The following KLHDC4 variants were observed in gnomAD, a reference collection of about 807,000 sequenced individuals.
KLHDC4 encodes kelch domain containing 4, also known as kelch domain-containing protein 4.
A neutral mutation model predicts 62.4 loss-of-function variants in KLHDC4; 90 were observed. The ratio of observed to expected loss-of-function variants is 1.44; its 90% CI spans 1.22 to 1.72. The LOEUF (loss-of-function observed/expected upper bound fraction) is 1.72. KLHDC4 is among the 40% of genes most tolerant of loss of function. KLHDC4 has a pLI of 0.00. For missense variants in KLHDC4, 1,025 were observed against 699.7 expected (o/e 1.47, Z -5.25); for synonymous variants, 386 against 284.4 (o/e 1.36, Z -3.59).
At chr16:87,763,751 G>T (rs116761449) in intron 1 of KLHDC4, 3 of 152,180 alleles carry the variant, frequency 2.0e-5, no homozygotes, top group Admixed American at 6.5e-5. Flanking sequence ...TACTTAGAGC[G>T]GTCTTTGACC....
rs1283994081 is a variant in KLHDC4, at chr16:87,700,590, G to A, written c.*1049C>T. On this transcript the variant is annotated 3_prime_UTR_variant, in exon 1 of 1. Coordinates refer to the KLHDC4 transcript ENST00000446344. ...GGGTAGAAGGAAGAGGGTGGAGGGA[G>A]GAGAGAAGAGGTGGAGGGAGGAAAC... is the stretch of plus-strand genomic sequence containing the variant. 7 of 196,056 alleles carry A rather than the reference G, an allele frequency of 3.6e-5. No homozygotes were observed. The East Asian group carries it at 1.1e-3, about 32-fold the overall frequency. 12.1% of individuals were successfully genotyped at this position (196,056 alleles called of 1,614,324 possible). A position where few individuals can be genotyped will look rare whatever the true frequency, so the allele number is the denominator to read the frequency against.
chr16:87,762,136 T>C (rs2045983197), intron 1 of KLHDC4, 96 bp from the exon 2 acceptor site: 1 of 1,560,238 alleles, frequency 6.4e-7, no homozygotes, highest in South Asian at 1.2e-5. Flanking sequence ...GTGATTCGAC[T>C]GGGCTCAGTC....
At chr16:87,714,427 G>A (rs1039479652) in intron 8 of KLHDC4, 71 bp downstream of exon 8, 1 of 1,484,244 alleles carries the variant, frequency 6.7e-7, no homozygotes, top group East Asian at 2.8e-5. Flanking sequence ...ACATCCATGG[G>A]AGGGTGTGGG....
intron 2 of KLHDC4, among the ~76,000 whole-genome samples, chr16:87,759,742 G>GA (rs994853230): frequency 3.5e-4 from 53 of 151,176 alleles, no homozygotes; most frequent in South Asian, 2.1e-4. Context: ...CTCCGTCTCA[G>GA]AAAAAAAAAT....
chr16:87,712,821 G>A (rs914403420), intron 8 of KLHDC4, among the ~76,000 whole-genome samples: 3 of 152,208 alleles, frequency 2.0e-5, no homozygotes, highest in Admixed American at 2.0e-4. Context: ...AGAACTTGCT[G>A]TGGGTCACAA....
intron 5 of KLHDC4, among the ~76,000 whole-genome samples, chr16:87,741,831 A>G (rs2042284757): frequency 6.6e-6 from 1 of 152,196 alleles, no homozygotes; most frequent in African/African-American, 2.4e-5. Context: ...CCAACTTCAC[A>G]TCCTCGGCTG....
At chr16:87,720,390 C>T (rs1481862720) in intron 7 of KLHDC4, among the ~76,000 whole-genome samples, 1 of 152,188 alleles carries the variant, frequency 6.6e-6, no homozygotes. Flanking sequence ...ACCACTGAGA[C>T]TGTCCATCCA....
At chr16:87,719,022 C>T (rs1308264673) in intron 7 of KLHDC4, among the ~76,000 whole-genome samples, 7 of 151,692 alleles carry the variant, frequency 4.6e-5, no homozygotes, top group African/African-American at 1.7e-4. Context: ...GGAGCGTCTC[C>T]GCCCAGCAGC....
At chr16:87,701,598 G>T (rs766642324) in exon 1 of KLHDC4, 1 of 425,366 alleles carries the variant, frequency 2.4e-6, no homozygotes, top group South Asian at 1.7e-5. Context: ...GGGTTTCTGG[G>T]GTCGGCAGAG....
At chr16:87,734,437 A>G (rs1373339807) in intron 5 of KLHDC4, among the ~76,000 whole-genome samples, 1 of 152,172 alleles carries the variant, frequency 6.6e-6, no homozygotes, top group East Asian at 1.9e-4. Context: ...GTTCAGAGAT[A>G]ATTCACCACA....
At chr16:87,752,248 A>T (rs1295108646) in intron 4 of KLHDC4, among the ~76,000 whole-genome samples, 2 of 150,184 alleles carry the variant, frequency 1.3e-5, no homozygotes, top group Non-Finnish European at 3.0e-5. Context: ...CTCCACAAAA[A>T]AGAAAAAAAA....
intron 8 of KLHDC4, among the ~76,000 whole-genome samples, chr16:87,713,898 G>A (rs1389738186): frequency 6.6e-6 from 1 of 151,508 alleles, no homozygotes; most frequent in Non-Finnish European, 1.5e-5. Context: ...AGAAATCTAG[G>A]CATTCTAACA....
At chr16:87,731,495 G>T (rs893052197) in intron 5 of KLHDC4, among the ~76,000 whole-genome samples, 2 of 151,918 alleles carry the variant, frequency 1.3e-5, no homozygotes, top group African/African-American at 4.8e-5. Context: ...ATGAAAAAAG[G>T]AAAGATGCCC....
chr16:87,704,002 G>C (rs2034348462), downstream of KLHDC4, among the ~76,000 whole-genome samples: 1 of 152,264 alleles, frequency 6.6e-6, no homozygotes, highest in Admixed American at 6.5e-5. Flanking sequence ...TCACTAGCAA[G>C]TTCCTTCCAT....
At chr16:87,714,719 T>C (rs1306675405) in intron 7 of KLHDC4, 146 bp from the exon 8 acceptor site, 51 of 826,208 alleles carry the variant, frequency 6.2e-5, no homozygotes, top group Non-Finnish European at 9.8e-5. Flanking sequence ...GTGCCTGCAG[T>C]GTGCTCAGGG....
At chr16:87,708,801 T>C (rs959322963) in intron 10 of KLHDC4, among the ~76,000 whole-genome samples, 2 of 152,180 alleles carry the variant, frequency 1.3e-5, no homozygotes, top group Non-Finnish European at 2.9e-5. Flanking sequence ...CACCTTTCCC[T>C]AGATTTGTGG....
intron 6 of KLHDC4, among the ~76,000 whole-genome samples, chr16:87,727,186 C>T (rs1006168726): frequency 1.3e-5 from 2 of 152,148 alleles, no homozygotes; most frequent in Admixed American, 6.5e-5. Flanking sequence ...ACATTTTCAC[C>T]TGTTTAATTC....
intron 4 of KLHDC4, among the ~76,000 whole-genome samples, chr16:87,754,304 C>A (rs1023181640): frequency 6.6e-6 from 1 of 152,100 alleles, no homozygotes; most frequent in Admixed American, 6.6e-5. Context: ...CGAAATCAGG[C>A]CATTGCACTC....
Position 87,756,396 on chromosome 16 carries a change from T to C in KLHDC4, c.270+3A>G, listed in dbSNP as rs1241530462. 2.5e-6 allele frequency: 4 copies of C among 1,604,902 alleles called. No homozygotes were observed. The East Asian group carries it at 8.9e-5, about 36-fold the overall frequency. ...GAAGAAAAGAAAAAAATATATACTT[T>C]ACTTTTTGGCCGTTGAAATATTCAC... On this transcript the variant is annotated splice_donor_region_variant and intron_variant, in intron 3 of 11. Transcript: ENST00000270583.
Sources: gnomAD v4.1 joint callset for allele counts (sites outside exome capture counted in the v4.1 genomes callset) on GRCh38, gnomAD v4.1.1 for gene constraint, MANE v1.5 for transcripts, NCBI Gene and HGNC (gene_info 2026-07-23, HGNC 2026-07-21) for gene names.